Variants in ABLIM1 observed in about 807,000 individuals in gnomAD.
ABLIM1 encodes the protein actin binding LIM protein 1, also known as actin-binding LIM protein 1.
A neutral mutation model predicts 107.0 loss-of-function variants in ABLIM1; 40 were observed. That is an observed-to-expected ratio of 0.37 (90% CI 0.29 to 0.49). The LOEUF (loss-of-function observed/expected upper bound fraction) is 0.49. Among genes scored for constraint, ABLIM1 ranks in the 20% least tolerant of loss-of-function variants. ABLIM1 has a pLI of 0.97. For synonymous variants in ABLIM1, 357 were observed against 357.3 expected (o/e 1.00, Z 0.01); for missense variants, 857 against 1,008.5 (o/e 0.85, Z 2.04).
At chr10:114,709,459 T>G (rs570715634) in intron 1 of ABLIM1, among the ~76,000 whole-genome samples, 59 of 152,114 alleles carry the variant, frequency 3.9e-4, no homozygotes, top group Admixed American at 9.2e-4. Flanking sequence ...ACAGTTATAA[T>G]TATAAATGCA....
intron 4 of ABLIM1, among the ~76,000 whole-genome samples, chr10:114,567,203 C>T (rs1234136311): frequency 6.6e-6 from 1 of 152,166 alleles, no homozygotes; most frequent in Non-Finnish European, 1.5e-5. Context: ...TCAGCACTCA[C>T]GTCTTTGAAA....
chr10:114,488,031 T>G lies in ABLIM1; in HGVS notation c.983-15A>C. ...AACGGTGGAGCCTGAGAAGACAGAA[T>G]GCACTACTAAGAGCCAGGAAAATGG... On this transcript the variant is annotated splice_polypyrimidine_tract_variant and intron_variant, in intron 7 of 22. Transcript: ENST00000533213. 6.2e-7 allele frequency: 1 copy of G among 1,614,092 alleles called. No homozygotes were observed. The highest frequency in any genetic ancestry group is 8.5e-7 in the Non-Finnish European group (1 of 1,179,968).
chr10:114,564,562 C>A (rs568726784), intron 4 of ABLIM1, among the ~76,000 whole-genome samples: 2 of 152,148 alleles, frequency 1.3e-5, no homozygotes, highest in East Asian at 3.9e-4. Flanking sequence ...TGAGCCACTG[C>A]GCCCAGCATC....
intron 6 of ABLIM1, among the ~76,000 whole-genome samples, chr10:114,510,939 T>TTG (rs1482782219): frequency 1.3e-5 from 2 of 151,826 alleles, no homozygotes; most frequent in Non-Finnish European, 2.9e-5. Context: ...GCCTGAGCCA[T>TTG]TGTGCCCTGC....
intron 8 of ABLIM1, among the ~76,000 whole-genome samples, chr10:114,483,928 G>A (rs2057777674): frequency 6.6e-6 from 1 of 152,164 alleles, no homozygotes; most frequent in Non-Finnish European, 1.5e-5. Flanking sequence ...GGTACACTGT[G>A]CATGCAGCAT....
At chr10:114,491,758 G>A (rs2059032586) in intron 7 of ABLIM1, 33 bp downstream of exon 7, 1 of 1,556,338 alleles carries the variant, frequency 6.4e-7, no homozygotes, top group South Asian at 1.1e-5. Flanking sequence ...CCCCCAGCAA[G>A]GAAAACTTCT....
At position 114,705,697 on chromosome 10, in the gene ABLIM1, C is replaced by T. The variant is rs746504609; in HGVS notation, c.-213+62364G>A. On this transcript the variant is annotated intron_variant, in intron 1 of 15. Transcript: ENST00000651092. The stretch of plus-strand genomic sequence containing the variant: ...AAACTAAAGCAGTCTCTCTAAAATT[C>T]AGTGCAATGCCAAAGCAGAAAAGGT... Among the ~76,000 whole-genome samples the T allele has an allele frequency of 1.1e-3, 163 of 152,330 alleles. 4 individuals carry two copies. Among genetic ancestry groups the T allele is most frequent in the Non-Finnish European group, 6.0e-4 (41 of 68,026 alleles).
At chr10:114,705,561 T>C (rs952973463) in intron 1 of ABLIM1, among the ~76,000 whole-genome samples, 1 of 151,986 alleles carries the variant, frequency 6.6e-6, no homozygotes, top group East Asian at 1.9e-4. Context: ...ATGGAGATGG[T>C]TTGGGGATGG....
intron 1 of ABLIM1, among the ~76,000 whole-genome samples, chr10:114,759,075 G>A (rs953053744): frequency 6.6e-6 from 1 of 152,096 alleles, no homozygotes; most frequent in Admixed American, 6.6e-5. Context: ...AATCATTTTT[G>A]CATGCTCGAC....
rs1423924875 is a variant in ABLIM1 at position 114,488,010 on chromosome 10, G to C, written c.989C>G (p.Thr330Ser). ...TTGCTTACAGTCGGGATGCCAAACG[G>C]TGGAGCCTGAGAAGACAGAATGCAC... ...EGEEMYLQGS[T>S]VWHPDCKQST... is the part of the protein sequence containing the mutation. Residue 330 changes from threonine (T) to serine (S), a missense_variant, in exon 8 of 23, where the codon ACC becomes AGC. Physicochemically the swap from Thr to Ser is moderately conservative, Grantham distance 58 (BLOSUM62 1). This residue lies in a region of ABLIM1 where 381 missense variants were observed against 506.9 expected (regional missense o/e 0.75). Transcript: ENST00000533213. 6.2e-7 allele frequency: 1 copy of C among 1,614,144 alleles called. No homozygotes were observed. The highest frequency in any genetic ancestry group is 1.7e-5 in the Admixed American group (1 of 60,014).
At chr10:114,449,363 C>T (rs1385595106) in intron 14 of ABLIM1, among the ~76,000 whole-genome samples, 1 of 152,194 alleles carries the variant, frequency 6.6e-6, no homozygotes, top group Non-Finnish European at 1.5e-5. Flanking sequence ...GAATCTTCAG[C>T]TCTAAGTCCT....
upstream of ABLIM1, among the ~76,000 whole-genome samples, chr10:114,688,432 C>G (rs10787545): frequency 1 from 152,055 of 152,330 alleles, 75,890 homozygotes; most frequent in Middle Eastern, 1. Flanking sequence ...GTACGCCAAT[C>G]ATATTCAATT....
chr10:114,609,959 AG>A (rs1470444797), intron 1 of ABLIM1, among the ~76,000 whole-genome samples: 1 of 152,238 alleles, frequency 6.6e-6, no homozygotes, highest in Non-Finnish European at 1.5e-5. Flanking sequence ...ACAGCTAAGA[AG>A]AAACAGTCTT....
At chr10:114,702,701 T>C (rs561857156) in intron 1 of ABLIM1, among the ~76,000 whole-genome samples, 28 of 152,120 alleles carry the variant, frequency 1.8e-4, no homozygotes, top group Middle Eastern at 3.4e-3. Flanking sequence ...TAATTTTTTG[T>C]ATTTTAGTAG....
At chr10:114,617,214 GTCTC>G (rs1229531230) in intron 1 of ABLIM1, among the ~76,000 whole-genome samples, 8 of 150,210 alleles carry the variant, frequency 5.3e-5, no homozygotes, top group African/African-American at 2.0e-4. Flanking sequence ...GTTGAACACT[GTCTC>G]TCTTTCTGGT....
At chr10:114,645,075 G>T (rs1172454623) in intron 1 of ABLIM1, among the ~76,000 whole-genome samples, 3 of 152,176 alleles carry the variant, frequency 2.0e-5, no homozygotes, top group African/African-American at 7.2e-5. Context: ...AATGGAGAGG[G>T]AATGTTTACC....
intron 1 of ABLIM1, among the ~76,000 whole-genome samples, chr10:114,718,977 C>T (rs562536608): frequency 1.7e-4 from 26 of 152,254 alleles, no homozygotes; most frequent in African/African-American, 5.8e-4. Context: ...TCAGAGGATG[C>T]CCTCATTGAA....
chr10:114,600,159 TCAGA>T (rs1265247751), intron 2 of ABLIM1, among the ~76,000 whole-genome samples: 1 of 151,940 alleles, frequency 6.6e-6, no homozygotes, highest in Non-Finnish European at 1.5e-5. Context: ...TTGTCCACAA[TCAGA>T]CAGCTGCTTA....
upstream of ABLIM1, among the ~76,000 whole-genome samples, chr10:114,658,715 G>C (rs1398619001): frequency 1.3e-5 from 2 of 152,110 alleles, no homozygotes; most frequent in East Asian, 3.9e-4. Context: ...GCTTCAATTC[G>C]TGACAAATCC....
Sources: allele counts gnomAD v4.1 joint callset (sites outside exome capture counted in the v4.1 genomes callset), GRCh38; gene constraint gnomAD v4.1.1; regional missense constraint gnomAD v4.1.1; transcripts MANE v1.5; gene names NCBI Gene and HGNC (gene_info 2026-07-23, HGNC 2026-07-21).